The following NWD2 variants were observed in gnomAD, a reference collection of about 807,000 sequenced individuals.
The protein encoded by NWD2 is NACHT and WD repeat domain containing 2.
NWD2 carries 37 observed loss-of-function variants against 132.7 expected under a neutral mutation model. The observed-to-expected ratio is 0.28, with a 90% CI of 0.21 to 0.37. NWD2 has a LOEUF of 0.37. NWD2 is among the 10% of genes least tolerant of loss of function. The pLI is 1.00. For missense variants in NWD2, 1,592 were observed against 2,122.4 expected, an observed-to-expected ratio of 0.75 and a Z score of 4.91; for synonymous variants, 705 against 803.0, an observed-to-expected ratio of 0.88 and a Z score of 2.06.
At chr4:37,265,533 A>G (rs184120661) in intron 1 of NWD2, among the ~76,000 whole-genome samples, 1 of 152,186 alleles carries the variant, frequency 6.6e-6, no homozygotes, top group East Asian at 1.9e-4. Flanking sequence ...ATTAGAAGAG[A>G]ACCTGTCTCC....
chr4:37,435,930 A>G (rs1712309842), intron 5 of NWD2, among the ~76,000 whole-genome samples: 2 of 152,228 alleles, frequency 1.3e-5, no homozygotes, highest in South Asian at 2.1e-4. Context: ...TGGATATAGT[A>G]TATATTATAT....
rs185480972 is a variant in NWD2 at position 37,407,215 on chromosome 4, A to C, written c.358-23357A>C. Among the ~76,000 whole-genome samples the C allele has an allele frequency of 2.6e-5, 4 of 152,342 alleles. No individual in the cohort carries two copies. The East Asian group carries it at 7.7e-4, about 29-fold the overall frequency. ...CCTGCACATTCTGCACATGTATCCC[A>C]GAACTTAAAGAAAAAAATGAACCTG... On this transcript the variant is annotated intron_variant, in intron 3 of 6. Coordinates refer to ENST00000309447, the MANE Select transcript of NWD2 (RefSeq NM_001144990.2).
chr4:37,445,027 G>C lies in NWD2; in HGVS notation c.3039G>C (p.Leu1013=). 6.4e-7 allele frequency: 1 copy of C among 1,551,824 alleles called. No homozygotes were observed. Among genetic ancestry groups the C allele is most frequent in the Non-Finnish European group, 8.7e-7 (1 of 1,147,046 alleles). ...RQITTAQSVI[L]GMKLTSDEKY... is the part of the protein sequence containing the mutation. ...TCACCACAGCCCAGTCTGTCATCCTGGGCATGAAACTCACCAGTGATGAAA... is the reference window on the plus strand; with the variant it reads ...TCACCACAGCCCAGTCTGTCATCCTCGGCATGAAACTCACCAGTGATGAAA... Residue 1013 remains leucine, a synonymous_variant, in exon 7 of 7, where the codon CTG becomes CTC. Transcript: ENST00000309447. The surrounding 1 kb of genome is among the most constrained non-coding windows in gnomAD (Gnocchi z 4.7).
In NWD2 at chr4:37,444,319, T is replaced by C. The variant is rs139020189; in HGVS notation, c.2331T>C (p.Leu777=). ...WSGGRRKAFC[L]EDPYLNGCLD... is the part of the protein sequence containing the mutation. ...GGGGCAGGAGGAAAGCCTTCTGCCT[T>C]GAGGACCCCTACTTGAATGGCTGCC... Residue 777 remains leucine (L), a synonymous_variant, in exon 7 of 7, where the codon CTT becomes CTC. Coordinates refer to ENST00000309447, the MANE Select transcript of NWD2 (RefSeq NM_001144990.2). This position sits in a 1 kb window ranked among gnomAD's most constrained non-coding sequence, Gnocchi z 4.8. 3.6e-3 allele frequency: 5,656 copies of C among 1,551,806 alleles called. 31 individuals are homozygous for C. Among genetic ancestry groups the C allele is most frequent in the Middle Eastern group, 0.036 (214 of 5,994 alleles).
At chr4:37,405,146 A>T (rs1257339014) in intron 3 of NWD2, among the ~76,000 whole-genome samples, 6 of 152,202 alleles carry the variant, frequency 3.9e-5, no homozygotes, top group Non-Finnish European at 7.4e-5. Flanking sequence ...TGTAGTTCAA[A>T]TCAATGTCAC....
intron 3 of NWD2, among the ~76,000 whole-genome samples, chr4:37,408,361 C>T (rs1325200217): frequency 6.6e-6 from 1 of 152,196 alleles, no homozygotes; most frequent in Non-Finnish European, 1.5e-5. Context: ...GGGCCTCCAC[C>T]ATTGCTGAGG....
chr4:37,282,491 TTAAA>T (rs1274480094), intron 1 of NWD2, among the ~76,000 whole-genome samples: 1 of 152,214 alleles, frequency 6.6e-6, no homozygotes, highest in Non-Finnish European at 1.5e-5. Context: ...TGTCTCCCTG[TTAAA>T]TAAACAGTAA....
At chr4:37,308,754 A>G (rs1156233293) in intron 1 of NWD2, among the ~76,000 whole-genome samples, 8 of 151,754 alleles carry the variant, frequency 5.3e-5, no homozygotes, top group Admixed American at 4.6e-4. Context: ...GGTTGAGGGT[A>G]CAGGCACTCA....
intron 3 of NWD2, among the ~76,000 whole-genome samples, chr4:37,424,969 G>A (rs1461752992): frequency 1.3e-5 from 2 of 151,706 alleles, no homozygotes; most frequent in Admixed American, 1.3e-4. Context: ...TTGCCCAATG[G>A]AAAAGAAAAA....
At chr4:37,281,553 C>T (rs1052793307) in intron 1 of NWD2, among the ~76,000 whole-genome samples, 4 of 152,160 alleles carry the variant, frequency 2.6e-5, no homozygotes, top group African/African-American at 9.6e-5. Flanking sequence ...CATCTCTCCG[C>T]TTAAGTACTA....
At chr4:37,419,053 T>C (rs1711724627) in intron 3 of NWD2, among the ~76,000 whole-genome samples, 1 of 152,030 alleles carries the variant, frequency 6.6e-6, no homozygotes, top group Non-Finnish European at 1.5e-5. Context: ...AAAACAGATA[T>C]ATAGACCAAT....
intron 3 of NWD2, among the ~76,000 whole-genome samples, chr4:37,394,601 C>T (rs1472528936): frequency 6.6e-6 from 1 of 152,096 alleles, no homozygotes; most frequent in South Asian, 2.1e-4. Context: ...GTTATATGTG[C>T]TCTGCAGCAT....
Position 37,444,640 on chromosome 4 carries a change from G to T in NWD2, c.2652G>T (p.Ser884=), listed in dbSNP as rs150067567. 6.4e-6 allele frequency: 10 copies of T among 1,552,008 alleles called. No individual in the cohort carries two copies. The Admixed American group carries it at 1.2e-4, about 18-fold the overall frequency. The change falls in exon 7 of 7, where the codon TCG becomes TCT. Residue 884 remains serine (S), a synonymous_variant. Coordinates refer to ENST00000309447, the MANE Select transcript of NWD2 (RefSeq NM_001144990.2). This position sits in a 1 kb window ranked among gnomAD's most constrained non-coding sequence, Gnocchi z 4.8. ...LSDIELAYNY[S]QEKELKFLAN... ...ACATTGAGCTGGCTTACAACTACTC[G>T]CAAGAGAAGGAGCTGAAGTTCCTGG...
At chr4:37,441,464 G>A (rs746517030) in intron 6 of NWD2, among the ~76,000 whole-genome samples, 16 of 152,140 alleles carry the variant, frequency 1.1e-4, no homozygotes, top group Non-Finnish European at 2.2e-4. Flanking sequence ...AACAAATATC[G>A]TTCAATTTGA....
intron 2 of NWD2, among the ~76,000 whole-genome samples, chr4:37,328,836 A>G (rs918427643): frequency 2.0e-5 from 3 of 152,098 alleles, no homozygotes; most frequent in Non-Finnish European, 2.9e-5. Flanking sequence ...AGTTCTTTGC[A>G]TAGTGTGTGC....
At chr4:37,325,466 C>A (rs1043292682) in intron 1 of NWD2, among the ~76,000 whole-genome samples, 1 of 152,084 alleles carries the variant, frequency 6.6e-6, no homozygotes, top group African/African-American at 2.4e-5. Flanking sequence ...CACAATATAT[C>A]TGAATAGGTA....
Position 37,446,231 on chromosome 4 carries a change from C to A in NWD2, c.4243C>A (p.Leu1415Ile). 1 of 1,551,704 alleles carries A rather than the reference C, an allele frequency of 6.4e-7. No individual in the cohort carries two copies. The change falls in exon 7 of 7, where the codon CTC becomes ATC. Residue 1415 changes from leucine to isoleucine, a missense_variant. Physicochemically the swap from Leu to Ile is conservative, Grantham distance 5. Around this residue, in one of 7 missense-constraint regions of NWD2, gnomAD observed 1,071 missense variants for 1,398.0 expected, o/e 0.77. Coordinates refer to ENST00000309447, the MANE Select transcript of NWD2 (RefSeq NM_001144990.2). The surrounding 1 kb of genome is among the most constrained non-coding windows in gnomAD (Gnocchi z 6.7). The stretch of plus-strand genomic sequence containing the variant: ...ACACAATGACCAGTTTGTGGTCTCG[C>A]TCTGTGAGGAAAATGCCTCCAGGGT... ...ITHNDQFVVS[L>I]CEENASRVWR...
intron 3 of NWD2, among the ~76,000 whole-genome samples, chr4:37,407,880 G>A (rs1033005192): frequency 1.3e-5 from 2 of 152,198 alleles, no homozygotes; most frequent in African/African-American, 4.8e-5. Context: ...AGCCCATGGA[G>A]GGCGAGCAGA....
In NWD2 at chr4:37,443,468, G is replaced by A; in HGVS notation, c.1480G>A (p.Asp494Asn). The stretch of plus-strand genomic sequence containing the variant: ...CCCTAAGAAGATCCATGACCTCTGT[G>A]ACTTATTTATAAATCTTTTGAATGA... The part of the protein sequence containing the change: ...SYPKKIHDLC[D>N]LFINLLNESS... The change falls in exon 7 of 7, where the codon GAC (aspartate) becomes AAC (asparagine). Residue 494 changes from aspartate (D) to asparagine (N), a missense_variant. By Grantham distance (23) the Asp-to-Asn change is conservative (BLOSUM62 1). Coordinates refer to ENST00000309447, the MANE Select transcript of NWD2 (RefSeq NM_001144990.2). The surrounding 1 kb of genome is among the most constrained non-coding windows in gnomAD (Gnocchi z 4.1). The A allele has an allele frequency of 7.1e-6, 11 of 1,552,164 alleles. No homozygotes were observed. Among genetic ancestry groups the A allele is most frequent in the Non-Finnish European group, 9.6e-6 (11 of 1,147,108 alleles).
Sources: gnomAD v4.1 joint callset for allele counts (sites outside exome capture counted in the v4.1 genomes callset) on GRCh38, gnomAD v4.1.1 for gene constraint, gnomAD v4.1.1 regional missense constraint, Gnocchi (gnomAD v3.1) non-coding constraint, MANE v1.5 for transcripts, NCBI Gene and HGNC (gene_info 2026-07-23, HGNC 2026-07-21) for gene names.